SLC12A6: variants seen among roughly 807,000 people sequenced by gnomAD.
The protein encoded by SLC12A6 is K-Cl cotransporter 3.
Under a neutral mutation model 135.3 loss-of-function variants are expected in SLC12A6, and 66 were observed. That is an observed-to-expected ratio of 0.49 (90% CI 0.40 to 0.60). SLC12A6 has a LOEUF of 0.60. Ranked by LOEUF, SLC12A6 falls within the 20% of genes least tolerant of loss-of-function variation. The probability of loss-of-function intolerance (pLI) is 0.00; values close to 1 mark genes in which losing one functional copy is unlikely to be tolerated. For synonymous variants in SLC12A6, 513 were observed against 508.8 expected (o/e 1.01, Z -0.11); for missense variants, 1,058 against 1,452.3 (o/e 0.73, Z 4.41).
intron 2 of SLC12A6, among the ~76,000 whole-genome samples, chr15:34,292,227 C>T (rs991252603): frequency 6.6e-6 from 1 of 152,104 alleles, no homozygotes; most frequent in Non-Finnish European, 1.5e-5. Flanking sequence ...GCTAGTTTTC[C>T]TTCTAACAGA....
chr15:34,315,761 G>A (rs1261426377), intron 2 of SLC12A6, among the ~76,000 whole-genome samples: 6 of 151,926 alleles, frequency 3.9e-5, no homozygotes, highest in South Asian at 4.2e-4. Flanking sequence ...TGAGGCGGGC[G>A]GATCACGAAG....
At position 34,250,926 on chromosome 15, in the gene SLC12A6, C is replaced by T. The variant is rs1892343511; in HGVS notation, c.1465G>A (p.Val489Met). ...GTAACAGAGGGAAAGAAGATTCCCA[C>T]CAGAAGCGTGAAGGAGGTGGTGATG... ...VDITTSFTLL[V>M]GIFFPSVTGI... is the part of the protein sequence containing the mutation. The change falls in exon 11 of 26, where the codon GTG becomes ATG. Residue 489 changes from valine to methionine, a missense_variant. Val to Met is a conservative substitution (Grantham distance 21, BLOSUM62 1). Around this residue, in one of 6 missense-constraint regions of SLC12A6, gnomAD observed 297 missense variants for 318.5 expected, o/e 0.93. Transcript: ENST00000354181. 1.2e-6 allele frequency: 2 copies of T among 1,612,416 alleles called. No homozygotes were observed. The highest frequency in any genetic ancestry group is 1.6e-4 in the Middle Eastern group (1 of 6,082).
At chr15:34,275,527 A>G (rs62017477) in intron 2 of SLC12A6, 138 bp from the exon 3 acceptor site, 37 of 640,966 alleles carry the variant, frequency 5.8e-5, no homozygotes, top group Non-Finnish European at 9.5e-5. Context: ...TGTGAAGATA[A>G]TAAAAAATAG....
chr15:34,248,783 G>A (rs931321064), intron 13 of SLC12A6, among the ~76,000 whole-genome samples: 10 of 152,260 alleles, frequency 6.6e-5, no homozygotes, highest in African/African-American at 2.2e-4. Context: ...TGAACACAAG[G>A]TGGAGTGTTT....
intron 2 of SLC12A6, among the ~76,000 whole-genome samples, chr15:34,330,799 A>C (rs1355701524): frequency 6.6e-6 from 1 of 152,226 alleles, no homozygotes; most frequent in Non-Finnish European, 1.5e-5. Context: ...ATAGTATTCA[A>C]TAATTATATA....
chr15:34,279,676 T>C (rs529000336), intron 2 of SLC12A6, among the ~76,000 whole-genome samples: 1 of 152,340 alleles, frequency 6.6e-6, no homozygotes, highest in African/African-American at 2.4e-5. Context: ...AACCAGATTA[T>C]TCTCTCTAAT....
intron 2 of SLC12A6, among the ~76,000 whole-genome samples, chr15:34,294,615 T>C (rs1190560118): frequency 1.3e-5 from 2 of 152,116 alleles, no homozygotes; most frequent in Non-Finnish European, 2.9e-5. Flanking sequence ...TTGCTCATGA[T>C]TGAGTTCAAT....
chr15:34,277,336 T>C (rs1894363613), intron 2 of SLC12A6, among the ~76,000 whole-genome samples: 1 of 152,106 alleles, frequency 6.6e-6, no homozygotes, highest in Non-Finnish European at 1.5e-5. Flanking sequence ...CTCAGGAGGC[T>C]AAGGCAAGAG....
chr15:34,305,434 T>C (rs1896540547), intron 2 of SLC12A6, among the ~76,000 whole-genome samples: 1 of 151,840 alleles, frequency 6.6e-6, no homozygotes, highest in Admixed American at 6.6e-5. Context: ...GAAATATTTA[T>C]TTTACTTGAT....
chr15:34,241,686 A>G (rs975860864), intron 17 of SLC12A6, among the ~76,000 whole-genome samples: 2 of 152,254 alleles, frequency 1.3e-5, no homozygotes, highest in African/African-American at 4.8e-5. Flanking sequence ...CAGAGAAAGT[A>G]AAGTTCAATG....
chr15:34,295,588 G>C (rs941323873), intron 2 of SLC12A6, among the ~76,000 whole-genome samples: 1 of 152,160 alleles, frequency 6.6e-6, no homozygotes, highest in African/African-American at 2.4e-5. Flanking sequence ...TGAATTCTTA[G>C]CACTGATATA....
At chr15:34,255,808 A>C (rs1319165886) in intron 7 of SLC12A6, among the ~76,000 whole-genome samples, 192 of 143,460 alleles carry the variant, frequency 1.3e-3, no homozygotes, top group Admixed American at 2.0e-3. Flanking sequence ...TCACCTCTGT[A>C]AAAAAAAAAA....
chr15:34,239,757 G>GGTGGGAAAAGGAAT (rs1891518047), intron 19 of SLC12A6, among the ~76,000 whole-genome samples: 1 of 468 alleles, frequency 2.1e-3, no homozygotes, highest in East Asian at 0.12. Flanking sequence ...ACTCCACCCT[G>GGTGGGAAAAGGAAT]GGAATAATGG....
chr15:34,332,189 T>C (rs1479320524), intron 2 of SLC12A6, among the ~76,000 whole-genome samples: 1 of 152,188 alleles, frequency 6.6e-6, no homozygotes, highest in Non-Finnish European at 1.5e-5. Context: ...ACAAATGTGT[T>C]TGCTTTGTCT....
At chr15:34,314,001 AC>A (rs1279921489) in intron 2 of SLC12A6, among the ~76,000 whole-genome samples, 1 of 151,730 alleles carries the variant, frequency 6.6e-6, no homozygotes, top group East Asian at 1.9e-4. Flanking sequence ...GCTCAGCGGA[AC>A]AACAAAGCCT....
chr15:34,334,524 A>G (rs1242284208), intron 2 of SLC12A6, among the ~76,000 whole-genome samples: 4 of 152,222 alleles, frequency 2.6e-5, no homozygotes, highest in African/African-American at 9.7e-5. Flanking sequence ...GGGAAAATTT[A>G]TCACATGATG....
chr15:34,313,668 T>C (rs908296957), intron 2 of SLC12A6, among the ~76,000 whole-genome samples: 2 of 152,150 alleles, frequency 1.3e-5, no homozygotes, highest in East Asian at 3.8e-4. Context: ...GAAGATGCCA[T>C]CTAGGACCTT....
chr15:34,258,905 T>A lies in SLC12A6; in HGVS notation c.451A>T (p.Asn151Tyr). The A allele has an allele frequency of 6.2e-7, 1 of 1,611,662 alleles. No homozygotes were observed. The highest frequency in any genetic ancestry group is 8.5e-7 in the Non-Finnish European group (1 of 1,177,742). Residue 151 changes from asparagine (N) to tyrosine (Y), a missense_variant, in exon 5 of 26, where the codon AAC (asparagine) becomes TAC (tyrosine). Asn to Tyr is a moderately radical substitution (Grantham distance 143, BLOSUM62 -2). Around this residue, in one of 6 missense-constraint regions of SLC12A6, gnomAD observed 139 missense variants for 202.2 expected, o/e 0.69. Transcript: ENST00000354181. The part of the protein sequence containing the change: ...DTRPKVSSLL[N>Y]RMANYTNLTQ... ...AGATTAGTGTAATTGGCCATGCGGT[T>A]GAGGAGGGAAGACACCTTCGGTCTG...
At chr15:34,313,948 G>GAAA (rs539393779) in intron 2 of SLC12A6, among the ~76,000 whole-genome samples, 1 of 82,134 alleles carries the variant, frequency 1.2e-5, no homozygotes, top group South Asian at 4.1e-4. Context: ...TCTTAAAAAC[G>GAAA]AAAAAAAAAA....
Sources: allele counts gnomAD v4.1 joint callset (sites outside exome capture counted in the v4.1 genomes callset), GRCh38; gene constraint gnomAD v4.1.1; regional missense constraint gnomAD v4.1.1; transcripts MANE v1.5; gene names NCBI Gene and HGNC (gene_info 2026-07-23, HGNC 2026-07-21).